R3HCC1L: variants seen among roughly 807,000 people sequenced by gnomAD.
R3HCC1L encodes the protein coiled-coil domain-containing protein R3HCC1L.
Under a neutral mutation model 59.9 loss-of-function variants are expected in R3HCC1L, and 51 were observed. That is an observed-to-expected ratio of 0.85 (90% CI 0.68 to 1.07). The LOEUF (loss-of-function observed/expected upper bound fraction) is 1.07, where lower values mean the gene tolerates loss of function less well. R3HCC1L is among the 50% of genes least tolerant of loss of function. The probability of loss-of-function intolerance (pLI) is 0.00; values close to 1 mark genes in which losing one functional copy is unlikely to be tolerated. For missense variants in R3HCC1L, 965 were observed against 933.0 expected (o/e 1.03, Z -0.45); for synonymous variants, 322 against 315.2 (o/e 1.02, Z -0.23).
chr10:98,176,797 G>A (rs987317578), intron 4 of R3HCC1L, among the ~76,000 whole-genome samples: 1 of 151,992 alleles, frequency 6.6e-6, no homozygotes, highest in African/African-American at 2.4e-5. Context: ...TACGGGGAGA[G>A]CATTTGGTTC....
At chr10:98,226,738 C>CT (rs748715817) in intron 5 of R3HCC1L, among the ~76,000 whole-genome samples, 1 of 152,234 alleles carries the variant, frequency 6.6e-6, no homozygotes, top group Non-Finnish European at 1.5e-5. Flanking sequence ...TTGCAGACTC[C>CT]TTTTGTCCCT....
At chr10:98,220,356 A>C (rs528740635) in intron 5 of R3HCC1L, among the ~76,000 whole-genome samples, 2 of 140,874 alleles carry the variant, frequency 1.4e-5, no homozygotes, top group South Asian at 2.3e-4. Flanking sequence ...CAGGCATTTC[A>C]TGGATTTCTT....
At chr10:98,145,935 C>T (rs530214568) in intron 1 of R3HCC1L, among the ~76,000 whole-genome samples, 5 of 150,574 alleles carry the variant, frequency 3.3e-5, no homozygotes, top group South Asian at 2.1e-4. Context: ...GGAGACAGAG[C>T]GAGACTCCAT....
At chr10:98,162,533 A>G (rs1452387960) in intron 2 of R3HCC1L, among the ~76,000 whole-genome samples, 1 of 152,140 alleles carries the variant, frequency 6.6e-6, no homozygotes, top group African/African-American at 2.4e-5. Flanking sequence ...TTGCTAACTG[A>G]TGAGTTTTAT....
intron 5 of R3HCC1L, among the ~76,000 whole-genome samples, chr10:98,227,802 A>T (rs577524036): frequency 6.6e-6 from 1 of 151,360 alleles, no homozygotes; most frequent in East Asian, 1.9e-4. Context: ...TCATTGTCCA[A>T]TTCCCACCTA....
At chr10:98,138,241 GT>G (rs1844786852) in intron 1 of R3HCC1L, among the ~76,000 whole-genome samples, 1 of 152,158 alleles carries the variant, frequency 6.6e-6, no homozygotes, top group Non-Finnish European at 1.5e-5. Context: ...CCTGTGCTAT[GT>G]TTTGCCAGCT....
chr10:98,170,112 C>G (rs1316833630), intron 4 of R3HCC1L, among the ~76,000 whole-genome samples: 1 of 152,030 alleles, frequency 6.6e-6, no homozygotes, highest in Non-Finnish European at 1.5e-5. Flanking sequence ...TTCTTCAGCA[C>G]AATTAACTTC....
At chr10:98,165,078 A>G (rs1847802631) in intron 4 of R3HCC1L, among the ~76,000 whole-genome samples, 1 of 152,110 alleles carries the variant, frequency 6.6e-6, no homozygotes, top group Non-Finnish European at 1.5e-5. Flanking sequence ...TGGCCAACAC[A>G]GGGAAACCCT....
At chr10:98,145,447 T>A (rs889790600) in intron 1 of R3HCC1L, among the ~76,000 whole-genome samples, 2 of 152,228 alleles carry the variant, frequency 1.3e-5, no homozygotes, top group African/African-American at 4.8e-5. Flanking sequence ...TGGAGAAAGG[T>A]AACGAGTTCA....
intron 5 of R3HCC1L, among the ~76,000 whole-genome samples, chr10:98,223,810 A>G (rs1335155139): frequency 1.3e-5 from 2 of 152,102 alleles, no homozygotes; most frequent in South Asian, 4.1e-4. Context: ...TGTGCACCAA[A>G]GGTAGTGAGT....
intron 6 of R3HCC1L, 36 bp from the exon 7 acceptor site, chr10:98,234,410 T>G (rs1415564267): frequency 6.3e-7 from 1 of 1,579,470 alleles, no homozygotes; most frequent in African/African-American, 1.4e-5. Context: ...AAGTAAATTT[T>G]ATTTTAGGAA....
intron 4 of R3HCC1L, among the ~76,000 whole-genome samples, chr10:98,199,095 A>T (rs1300769560): frequency 6.6e-6 from 1 of 152,110 alleles, no homozygotes; most frequent in African/African-American, 2.4e-5. Flanking sequence ...TTTTATATGC[A>T]CAGCACATCT....
chr10:98,200,317 T>C (rs1031136267), intron 4 of R3HCC1L, among the ~76,000 whole-genome samples: 1 of 152,120 alleles, frequency 6.6e-6, no homozygotes, highest in African/African-American at 2.4e-5. Flanking sequence ...GATACATGGT[T>C]GCAATAGGTG....
intron 1 of R3HCC1L, among the ~76,000 whole-genome samples, chr10:98,148,080 T>C (rs1256400581): frequency 1.3e-5 from 2 of 152,176 alleles, no homozygotes; most frequent in Non-Finnish European, 2.9e-5. Flanking sequence ...AATTTCTGTT[T>C]CCTTCATCAG....
chr10:98,231,735 T>A, intron 6 of R3HCC1L, 48 bp downstream of exon 6: 1 of 1,470,614 alleles, frequency 6.8e-7, no homozygotes, highest in Non-Finnish European at 9.2e-7. Context: ...AGATGAAGTC[T>A]TTAAAAAATG....
intron 1 of R3HCC1L, among the ~76,000 whole-genome samples, chr10:98,152,046 C>T (rs577670091): frequency 7.8e-4 from 119 of 151,938 alleles, no homozygotes; most frequent in African/African-American, 2.5e-3. Context: ...TCACTGCAAC[C>T]TCCCTGCCTG....
chr10:98,239,420 T>G (rs1857292820), intron 9 of R3HCC1L, among the ~76,000 whole-genome samples: 1 of 152,152 alleles, frequency 6.6e-6, no homozygotes, highest in African/African-American at 2.4e-5. Flanking sequence ...TATGGTATAA[T>G]AATCTCCCAG....
At chr10:98,226,194 C>A (rs1266346108) in intron 5 of R3HCC1L, among the ~76,000 whole-genome samples, 1 of 152,130 alleles carries the variant, frequency 6.6e-6, no homozygotes, top group Non-Finnish European at 1.5e-5. Flanking sequence ...TGCATTGTAT[C>A]TTTGACAGTG....
At chr10:98,175,202 A>G (rs967488413) in intron 4 of R3HCC1L, among the ~76,000 whole-genome samples, 2 of 152,194 alleles carry the variant, frequency 1.3e-5, no homozygotes, top group African/African-American at 4.8e-5. Context: ...GGCTATACTG[A>G]TTATTTCCTG....
Sources: gnomAD v4.1 joint callset for allele counts (sites outside exome capture counted in the v4.1 genomes callset) on GRCh38, gnomAD v4.1.1 for gene constraint, MANE v1.5 for transcripts, NCBI Gene and HGNC (gene_info 2026-07-23, HGNC 2026-07-21) for gene names.